PDE1C: variants seen among roughly 807,000 people sequenced by gnomAD.
PDE1C encodes the protein dual specificity calcium/calmodulin-dependent 3',5'-cyclic nucleotide phosphodiesterase 1C.
PDE1C carries 62 observed loss-of-function variants against 93.1 expected under a neutral mutation model. The ratio of observed to expected loss-of-function variants is 0.67; its 90% CI spans 0.54 to 0.82. The LOEUF is 0.82. PDE1C is among the 40% of genes least tolerant of loss of function. The pLI is 0.00. For missense variants in PDE1C, 742 were observed against 884.6 expected (o/e 0.84, Z 2.04); for synonymous variants, 325 against 310.1 (o/e 1.05, Z -0.50).
the PDE1C span, among the ~76,000 whole-genome samples, chr7:31,718,815 C>G: frequency 6.6e-6 from 1 of 152,184 alleles, no homozygotes; most frequent in East Asian, 1.9e-4. Flanking sequence ...CTAGCTGCTG[C>G]TAGGCACCCA....
At chr7:31,910,855 C>T (rs560915194) in intron 2 of PDE1C, among the ~76,000 whole-genome samples, 32 of 152,260 alleles carry the variant, frequency 2.1e-4, no homozygotes, top group African/African-American at 6.0e-4. Flanking sequence ...GCCTGGCCCA[C>T]GTAAACACCA....
intron 1 of PDE1C, among the ~76,000 whole-genome samples, chr7:32,349,215 A>G (rs1327688083): frequency 6.6e-6 from 1 of 152,224 alleles, no homozygotes; most frequent in Non-Finnish European, 1.5e-5. Flanking sequence ...TACTCCATTC[A>G]GTTTAGTTCA....
At position 31,814,989 on chromosome 7, in the gene PDE1C, G is replaced by C. The variant is rs575012041; in HGVS notation, c.1813+935C>G. Among the ~76,000 whole-genome samples the C allele has an allele frequency of 7.2e-5, 11 of 151,858 alleles. 1 individual carries two copies. In the East Asian group the frequency reaches 2.0e-3, roughly 27 times the overall value. On this transcript the variant is annotated intron_variant, in intron 15 of 17. Coordinates refer to ENST00000396191, the MANE Select transcript of PDE1C (RefSeq NM_001191057.4). ...GAACTTCCTGCCTGCCCCTAAACAAGGAAACCAAATCAAAGCCCTGTGTAC... is the reference window on the plus strand; with the variant it reads ...GAACTTCCTGCCTGCCCCTAAACAACGAAACCAAATCAAAGCCCTGTGTAC...
chr7:32,153,238 CTTCAG>C (rs1199634335), intron 3 of PDE1C, among the ~76,000 whole-genome samples: 3 of 152,132 alleles, frequency 2.0e-5, no homozygotes, highest in Admixed American at 6.5e-5. Flanking sequence ...TTTGGTGACA[CTTCAG>C]TTATCTAAAA....
chr7:31,644,431 C>T, the PDE1C span, among the ~76,000 whole-genome samples: 145 of 152,286 alleles, frequency 9.5e-4, no homozygotes, highest in African/African-American at 3.4e-3. Flanking sequence ...GCACTCAGCC[C>T]AGCATGTGGC....
At chr7:31,742,298 A>G in the PDE1C span, among the ~76,000 whole-genome samples, 1 of 152,212 alleles carries the variant, frequency 6.6e-6, no homozygotes, top group Non-Finnish European at 1.5e-5. Flanking sequence ...AGAAGCCAAC[A>G]CTTTCCTAAA....
At position 31,823,201 on chromosome 7, in the gene PDE1C, G is replaced by A. The variant is rs771548899; in HGVS notation, c.1454C>T (p.Thr485Ile). ...CGGGGCACTTCCCTCTGAACCAGAG[G>A]TCTTGACACCTGATCGCTTGGCATC... ...SSDAKRSGVK[T>I]SGSEGSAPIN... Residue 485 changes from threonine (T) to isoleucine (I), a missense_variant, in exon 14 of 18, where the codon ACC becomes ATC. Around this residue, in one of 4 missense-constraint regions of PDE1C, gnomAD observed 454 missense variants for 459.4 expected, o/e 0.99. Coordinates refer to ENST00000396191, the MANE Select transcript of PDE1C (RefSeq NM_001191057.4). The A allele has an allele frequency of 2.5e-6, 4 of 1,613,116 alleles. No individual in the cohort carries two copies. The South Asian group carries it at 4.4e-5, about 18-fold the overall frequency.
chr7:32,306,325 T>C (rs1278476179), intron 1 of PDE1C, among the ~76,000 whole-genome samples: 16 of 152,180 alleles, frequency 1.1e-4, no homozygotes, highest in Admixed American at 1.0e-3. Context: ...TCCAATCCAA[T>C]AGTGCCATCT....
intron 1 of PDE1C, among the ~76,000 whole-genome samples, chr7:32,373,969 C>T (rs1043656632): frequency 1.3e-5 from 2 of 151,264 alleles, no homozygotes; most frequent in African/African-American, 4.9e-5. Flanking sequence ...TGCACTCCAG[C>T]CTAGGCAACA....
At chr7:31,825,908 G>A (rs1421766467) in intron 12 of PDE1C, among the ~76,000 whole-genome samples, 1 of 151,074 alleles carries the variant, frequency 6.6e-6, no homozygotes, top group East Asian at 1.9e-4. Context: ...GTACAGGGGG[G>A]CACATCTAGA....
chr7:31,761,355 T>A (rs1025190567), intron 17 of PDE1C, among the ~76,000 whole-genome samples: 9 of 152,204 alleles, frequency 5.9e-5, no homozygotes, highest in African/African-American at 2.2e-4. Context: ...CCTTGAATAA[T>A]CAATAATTTT....
In PDE1C at chr7:32,000,922, A is replaced by G. The variant is rs113941696; in HGVS notation, c.128+50632T>C. 2.4e-4 allele frequency among the ~76,000 whole-genome samples: 36 copies of G among 152,276 alleles called. No homozygotes were observed. In the Middle Eastern group the frequency reaches 0.01, roughly 43 times the overall value. The stretch of plus-strand genomic sequence containing the variant: ...AAACTCATCCCTGAAAAGGACTACT[A>G]TTTGCTATCAAAAATAAAAAGGTCG... On this transcript the variant is annotated intron_variant, in intron 2 of 17. Coordinates refer to ENST00000396191, the MANE Select transcript of PDE1C (RefSeq NM_001191057.4).
the PDE1C span, among the ~76,000 whole-genome samples, chr7:31,633,870 A>G: frequency 1.3e-5 from 2 of 152,138 alleles, no homozygotes; most frequent in Admixed American, 6.6e-5. Flanking sequence ...ATCACACTTG[A>G]CACCCCATCA....
At chr7:32,113,448 A>G (rs1798797742) in intron 3 of PDE1C, among the ~76,000 whole-genome samples, 1 of 150,934 alleles carries the variant, frequency 6.6e-6, no homozygotes, top group East Asian at 1.9e-4. Flanking sequence ...TTCTAATAGC[A>G]AAAATCCTCC....
At chr7:32,100,658 A>G (rs2128750042) in intron 3 of PDE1C, among the ~76,000 whole-genome samples, 1 of 152,322 alleles carries the variant, frequency 6.6e-6, no homozygotes, top group South Asian at 2.1e-4. Context: ...AAATCAGCCC[A>G]AAACATCAAA....
chr7:31,732,629 C>CTCTCTCCT, the PDE1C span, among the ~76,000 whole-genome samples: 1 of 108,774 alleles, frequency 9.2e-6, no homozygotes, highest in African/African-American at 4.1e-5. Context: ...CTCTCTCTCT[C>CTCTCTCCT]CTCTCTTTCT....
the PDE1C span, chr7:31,687,387 C>T: frequency 3.3e-5 from 5 of 152,388 alleles, no homozygotes; most frequent in African/African-American, 1.2e-4. Flanking sequence ...ACAAAGAAGG[C>T]TGTAGCTGGT....
the PDE1C span, among the ~76,000 whole-genome samples, chr7:31,682,564 C>G: frequency 2.0e-5 from 3 of 152,148 alleles, no homozygotes; most frequent in Non-Finnish European, 2.9e-5. Flanking sequence ...AACAGTTTGG[C>G]AGTTTCTTAT....
chr7:31,741,229 T>C, the PDE1C span, among the ~76,000 whole-genome samples: 1 of 152,206 alleles, frequency 6.6e-6, no homozygotes, highest in South Asian at 2.1e-4. Flanking sequence ...TTCCTGAGTA[T>C]TATTACTTAT....
Sources: allele counts gnomAD v4.1 joint callset (sites outside exome capture counted in the v4.1 genomes callset), GRCh38; gene constraint gnomAD v4.1.1; regional missense constraint gnomAD v4.1.1; transcripts MANE v1.5; gene names NCBI Gene and HGNC (gene_info 2026-07-23, HGNC 2026-07-21).